ADARB2: variants seen among roughly 807,000 people sequenced by gnomAD.
The protein encoded by ADARB2 is inactive double-stranded RNA-specific editase B2.
Under a neutral mutation model 62.2 loss-of-function variants are expected in ADARB2, and 25 were observed. The observed-to-expected ratio is 0.40, with a 90% CI of 0.29 to 0.56. ADARB2 has a LOEUF of 0.56. Ranked by LOEUF, ADARB2 falls within the 20% of genes least tolerant of loss-of-function variation. The pLI is 0.43. For synonymous variants in ADARB2, 572 were observed against 500.8 expected, an observed-to-expected ratio of 1.14 and a Z score of -1.90; for missense variants, 1,071 against 1,077.4, an observed-to-expected ratio of 0.99 and a Z score of 0.08.
rs543727881 is a variant in ADARB2 at position 1,628,737 on chromosome 10, G to A, written c.100+108314C>T. 1.6e-3 allele frequency among the ~76,000 whole-genome samples: 244 copies of A among 152,366 alleles called. 2 individuals carry two copies. Among genetic ancestry groups the A allele is most frequent in the African/African-American group, 5.7e-3 (238 of 41,582 alleles). On this transcript the variant is annotated intron_variant, in intron 1 of 9. Transcript: ENST00000381312. ...GAAATCCTTCTTTTCAGCGAACTGGGAGAAATACAAAGACTTTCCTGGTGT... is the reference window on the plus strand; with the variant it reads ...GAAATCCTTCTTTTCAGCGAACTGGAAGAAATACAAAGACTTTCCTGGTGT...
chr10:1,526,740 T>C, intron 1 of ADARB2: 1 of 390,370 alleles, frequency 2.6e-6, no homozygotes. Flanking sequence ...GGGTGTTCCT[T>C]TCTAGCAACA....
At chr10:1,482,445 G>A (rs1831486389) in intron 1 of ADARB2, among the ~76,000 whole-genome samples, 1 of 152,218 alleles carries the variant, frequency 6.6e-6, no homozygotes, top group Non-Finnish European at 1.5e-5. Flanking sequence ...CAAATCCTGT[G>A]TGATTCCACT....
At chr10:1,310,092 G>A (rs1359855391) in intron 3 of ADARB2, among the ~76,000 whole-genome samples, 1 of 152,166 alleles carries the variant, frequency 6.6e-6, no homozygotes, top group African/African-American at 2.4e-5. Context: ...TTTCACCAAA[G>A]TCTCTATGAT....
chr10:1,565,284 T>C (rs984665532), intron 1 of ADARB2, among the ~76,000 whole-genome samples: 2 of 152,244 alleles, frequency 1.3e-5, no homozygotes, highest in Non-Finnish European at 2.9e-5. Context: ...TCTTATTGTG[T>C]CTTTTTCTGT....
At chr10:1,415,116 C>T (rs1314899937) in intron 1 of ADARB2, among the ~76,000 whole-genome samples, 1 of 146,192 alleles carries the variant, frequency 6.8e-6, no homozygotes, top group Non-Finnish European at 1.5e-5. Flanking sequence ...AATGGATGGG[C>T]AGAGGGATGA....
intron 1 of ADARB2, among the ~76,000 whole-genome samples, chr10:1,707,068 C>T (rs1834898989): frequency 6.6e-6 from 1 of 152,244 alleles, no homozygotes; most frequent in Non-Finnish European, 1.5e-5. Context: ...ATTTTTATTT[C>T]ATCAAATGGA....
intron 1 of ADARB2, among the ~76,000 whole-genome samples, chr10:1,658,288 C>G (rs574280997): frequency 2.6e-5 from 4 of 151,516 alleles, no homozygotes; most frequent in Admixed American, 6.6e-5. Flanking sequence ...GTCTCTCTCT[C>G]TATGTAGCTC....
chr10:1,254,106 A>C (rs907864855), intron 4 of ADARB2, among the ~76,000 whole-genome samples: 4 of 149,900 alleles, frequency 2.7e-5, no homozygotes, highest in African/African-American at 9.9e-5. Flanking sequence ...GTTAGGATGC[A>C]GTTGACTCTG....
At chr10:1,259,248 G>A (rs1449015215) in intron 4 of ADARB2, among the ~76,000 whole-genome samples, 1 of 152,142 alleles carries the variant, frequency 6.6e-6, no homozygotes, top group Non-Finnish European at 1.5e-5. Context: ...AACTAGACAA[G>A]CAAGAGCAAA....
At chr10:1,464,642 G>A (rs71491393) in intron 1 of ADARB2, among the ~76,000 whole-genome samples, 2 of 69,512 alleles carry the variant, frequency 2.9e-5, no homozygotes, top group East Asian at 4.4e-4. Context: ...CGGGCAGCAC[G>A]CTGGAGAAGA....
intron 4 of ADARB2, among the ~76,000 whole-genome samples, chr10:1,266,630 G>C (rs137913048): frequency 3.0e-3 from 453 of 152,310 alleles, no homozygotes; most frequent in Non-Finnish European, 5.1e-3. Flanking sequence ...CACCACCGCA[G>C]AAGACACCAG....
intron 4 of ADARB2, among the ~76,000 whole-genome samples, chr10:1,260,364 C>T (rs950286044): frequency 6.6e-6 from 1 of 152,016 alleles, no homozygotes; most frequent in Non-Finnish European, 1.5e-5. Flanking sequence ...GTCAAATTGT[C>T]CCTGTTTGCA....
chr10:1,378,025 G>A (rs1441997260), intron 2 of ADARB2, among the ~76,000 whole-genome samples: 1 of 152,198 alleles, frequency 6.6e-6, no homozygotes, highest in Admixed American at 6.5e-5. Flanking sequence ...CGTGACAACA[G>A]GCGTGTGCTG....
Position 1,523,488 on chromosome 10 carries a change from CT to C in ADARB2, c.101-144329del, listed in dbSNP as rs370544967. 6.8e-4 allele frequency among the ~76,000 whole-genome samples: 104 copies of C among 152,300 alleles called. 2 individuals are homozygous for C. The South Asian group carries it at 0.019, about 28-fold the overall frequency. On this transcript the variant is annotated intron_variant, in intron 1 of 9. Coordinates refer to ENST00000381312, the MANE Select transcript of ADARB2 (RefSeq NM_018702.4). ...ATCCCACCCCCTCACATTAGATTTG[CT>C]TAAAGAACCTGCCAGAGGCTTCGTC...
chr10:1,570,240 G>C (rs1314009064), intron 1 of ADARB2, among the ~76,000 whole-genome samples: 1 of 152,144 alleles, frequency 6.6e-6, no homozygotes, highest in South Asian at 2.1e-4. Context: ...AAATGTTTGC[G>C]GTATGGTGAA....
intron 1 of ADARB2, among the ~76,000 whole-genome samples, chr10:1,723,549 C>G (rs939444089): frequency 2.0e-5 from 3 of 152,178 alleles, no homozygotes; most frequent in African/African-American, 7.2e-5. Context: ...CTTTTTACCT[C>G]CCCATAAGAG....
intron 1 of ADARB2, among the ~76,000 whole-genome samples, chr10:1,644,304 C>T (rs371220050): frequency 6.6e-6 from 1 of 152,222 alleles, no homozygotes; most frequent in African/African-American, 2.4e-5. Flanking sequence ...TCAATGTCCC[C>T]GAGCTGCCAT....
rs139333116 is a variant in ADARB2 at position 1,734,334 on chromosome 10, C to A, written c.100+2717G>T. 1.7e-3 allele frequency among the ~76,000 whole-genome samples: 248 copies of A among 146,618 alleles called. 5 individuals are homozygous for A. The East Asian group carries it at 0.022, about 13-fold the overall frequency. ...TTTTTTTTAAAGATACATACAGCTGCCTTTGTGGCATAGTAACTAAAATAT... is the reference window on the plus strand; with the variant it reads ...TTTTTTTTAAAGATACATACAGCTGACTTTGTGGCATAGTAACTAAAATAT... On this transcript the variant is annotated intron_variant, in intron 1 of 9. Transcript: ENST00000381312.
At chr10:1,577,113 G>A (rs1392514203) in intron 1 of ADARB2, among the ~76,000 whole-genome samples, 1 of 152,202 alleles carries the variant, frequency 6.6e-6, no homozygotes, top group Non-Finnish European at 1.5e-5. Context: ...CCCTAGGCCT[G>A]GGGTGGCTCA....
Sources: gnomAD v4.1 joint callset for allele counts (sites outside exome capture counted in the v4.1 genomes callset) on GRCh38, gnomAD v4.1.1 for gene constraint, MANE v1.5 for transcripts, NCBI Gene and HGNC (gene_info 2026-07-23, HGNC 2026-07-21) for gene names.